MERTK: variants seen among roughly 807,000 people sequenced by gnomAD.
The protein encoded by MERTK is tyrosine-protein kinase Mer.
MERTK carries 69 observed loss-of-function variants against 99.3 expected under a neutral mutation model. The ratio of observed to expected loss-of-function variants is 0.70; its 90% CI spans 0.57 to 0.85. The LOEUF (loss-of-function observed/expected upper bound fraction) is 0.85. Ranked by LOEUF, MERTK falls within the 40% of genes least tolerant of loss-of-function variation. The pLI, the probability that MERTK is intolerant of heterozygous loss-of-function variation, is 0.00. For missense variants in MERTK, 1,125 were observed against 1,249.4 expected (o/e 0.90, Z 1.50); for synonymous variants, 426 against 467.6 (o/e 0.91, Z 1.15).
At position 111,968,175 on chromosome 2, in the gene MERTK, A is replaced by C. The variant is rs746561089; in HGVS notation, c.883A>C (p.Ser295Arg). The stretch of plus-strand genomic sequence containing the variant: ...ACCAACTGAAGTCAGCATCCGTAAC[A>C]GCACTGCACACAGCATTCTGATCTC... Reference protein sequence around the residue: ...SPPTEVSIRNSTAHSILISWV... With the variant: ...SPPTEVSIRNRTAHSILISWV... The change falls in exon 6 of 19, where the codon AGC (serine) becomes CGC (arginine). Residue 295 changes from serine (S) to arginine (R), a missense_variant. Ser to Arg is a moderately radical substitution (Grantham distance 110). Coordinates refer to ENST00000295408, the MANE Select transcript of MERTK (RefSeq NM_006343.3). 16 of 1,613,956 alleles carry C rather than the reference A, an allele frequency of 9.9e-6. No homozygotes were observed. Among genetic ancestry groups the C allele is most frequent in the Non-Finnish European group, 1.4e-5 (16 of 1,180,002 alleles).
At chr2:111,994,560 T>A in intron 9 of MERTK, 156 bp downstream of exon 9, 1 of 1,044,562 alleles carries the variant, frequency 9.6e-7, no homozygotes, top group Non-Finnish European at 1.5e-6. Flanking sequence ...AGGAGGAGTT[T>A]GAGAACAACC....
chr2:111,973,705 A>T (rs561084641), intron 6 of MERTK, among the ~76,000 whole-genome samples: 1 of 152,146 alleles, frequency 6.6e-6, no homozygotes, highest in Non-Finnish European at 1.5e-5. Flanking sequence ...TAAGTGCCAC[A>T]TATTACAGAA....
chr2:111,946,724 T>C (rs1684967661), intron 3 of MERTK, among the ~76,000 whole-genome samples: 1 of 152,208 alleles, frequency 6.6e-6, no homozygotes, highest in South Asian at 2.1e-4. Context: ...TCTGCGTTTA[T>C]TTTGGTAAGA....
intron 1 of MERTK, among the ~76,000 whole-genome samples, chr2:111,899,056 G>A (rs1261079589): frequency 6.6e-6 from 1 of 152,200 alleles, no homozygotes; most frequent in Non-Finnish European, 1.5e-5. Context: ...GGTCGGCGTT[G>A]CAGGCTCCCC....
At chr2:111,974,424 A>G (rs1223829036) in intron 6 of MERTK, among the ~76,000 whole-genome samples, 1 of 151,510 alleles carries the variant, frequency 6.6e-6, no homozygotes, top group African/African-American at 2.4e-5. Flanking sequence ...AAAATAAAAT[A>G]AAGTTAGCCT....
chr2:112,020,523 T>C (rs966275417), intron 16 of MERTK: 6 of 464,874 alleles, frequency 1.3e-5, no homozygotes, highest in Admixed American at 1.2e-4. Flanking sequence ...TCCTCTTCCT[T>C]CTTCTTGTGT....
chr2:111,903,683 T>G (rs965759202), intron 1 of MERTK, among the ~76,000 whole-genome samples: 12 of 152,212 alleles, frequency 7.9e-5, no homozygotes, highest in African/African-American at 2.4e-4. Context: ...AGGCACACTA[T>G]GCCTCTGGGG....
intron 15 of MERTK, among the ~76,000 whole-genome samples, chr2:112,011,951 TG>T (rs1677113767): frequency 6.6e-6 from 1 of 152,028 alleles, no homozygotes; most frequent in Non-Finnish European, 1.5e-5. Context: ...GAGGGAGCTA[TG>T]GGCACCAGGA....
At chr2:111,973,256 G>A (rs1676159717) in intron 6 of MERTK, among the ~76,000 whole-genome samples, 1 of 152,096 alleles carries the variant, frequency 6.6e-6, no homozygotes, top group Non-Finnish European at 1.5e-5. Flanking sequence ...GGGGAGGAGA[G>A]CCAAAGGTTT....
intron 13 of MERTK, among the ~76,000 whole-genome samples, chr2:112,007,490 C>T (rs746790321): frequency 1.3e-5 from 2 of 152,112 alleles, no homozygotes; most frequent in Non-Finnish European, 2.9e-5. Flanking sequence ...AACCTCTACA[C>T]CTACCGAACA....
chr2:111,903,822 G>A (rs1036125442), intron 1 of MERTK, among the ~76,000 whole-genome samples: 1 of 152,184 alleles, frequency 6.6e-6, no homozygotes. Flanking sequence ...AGGACGTAAT[G>A]AGCTAATGGC....
intron 15 of MERTK, among the ~76,000 whole-genome samples, chr2:112,012,954 T>A (rs1390339333): frequency 6.6e-6 from 1 of 152,178 alleles, no homozygotes; most frequent in Admixed American, 6.5e-5. Flanking sequence ...TGCTGGAGCC[T>A]CCTTTTCCAC....
Position 112,022,334 on chromosome 2 carries a change from T to C in MERTK, c.2426T>C (p.Met809Thr), listed in dbSNP as rs1677368929. The stretch of plus-strand genomic sequence containing the variant: ...TATCCTGGGGTCCAGAACCATGAGA[T>C]GTATGACTATCTTCTCCATGGCCAC... ...TPYPGVQNHEMYDYLLHGHRL... is the reference protein window; with the variant it reads ...TPYPGVQNHETYDYLLHGHRL... Residue 809 changes from methionine (M) to threonine (T), a missense_variant, in exon 18 of 19, where the codon ATG (methionine) becomes ACG (threonine). Coordinates refer to ENST00000295408, the MANE Select transcript of MERTK (RefSeq NM_006343.3). 6.2e-7 allele frequency: 1 copy of C among 1,614,170 alleles called. No homozygotes were observed. Among genetic ancestry groups the C allele is most frequent in the East Asian group, 2.2e-5 (1 of 44,878 alleles).
At chr2:112,000,346 A>G (rs766387088) in intron 10 of MERTK, among the ~76,000 whole-genome samples, 4 of 152,166 alleles carry the variant, frequency 2.6e-5, no homozygotes, top group Non-Finnish European at 4.4e-5. Flanking sequence ...TTTTCACCTA[A>G]TGTCCCTTTA....
At chr2:112,009,888 G>A in intron 14 of MERTK, 60 bp from the exon 15 acceptor site, 1 of 1,305,268 alleles carries the variant, frequency 7.7e-7, no homozygotes, top group Non-Finnish European at 1.1e-6. Context: ...GGTCCACGAG[G>A]GCTTTTCTGG....
chr2:111,975,413 T>C lies in MERTK; in HGVS notation c.1085T>C (p.Met362Thr). The C allele has an allele frequency of 6.2e-7, 1 of 1,614,230 alleles. No homozygotes were observed. The highest frequency in any genetic ancestry group is 1.3e-5 in the African/African-American group (1 of 75,060). Residue 362 changes from methionine (M) to threonine (T), a missense_variant, in exon 7 of 19, where the codon ATG becomes ACG. Transcript: ENST00000295408. The part of the protein sequence containing the change: ...LANYSIGVSC[M>T]NEIGWSAVSP... ...AATTACAGCATTGGTGTTTCCTGCA[T>C]GAATGAAATAGGCTGGTCTGCAGTG...
At chr2:111,910,978 G>A (rs1684236626) in intron 1 of MERTK, among the ~76,000 whole-genome samples, 1 of 152,102 alleles carries the variant, frequency 6.6e-6, no homozygotes, top group Non-Finnish European at 1.5e-5. Flanking sequence ...CCATAGATAT[G>A]TACAATTATG....
chr2:111,923,498 C>A (rs1684502914), intron 1 of MERTK, among the ~76,000 whole-genome samples: 1 of 152,198 alleles, frequency 6.6e-6, no homozygotes, highest in African/African-American at 2.4e-5. Context: ...TGGGCGGCTA[C>A]TCTGGGACCT....
chr2:111,992,275 C>T (rs533840374), intron 8 of MERTK, among the ~76,000 whole-genome samples: 12 of 152,214 alleles, frequency 7.9e-5, no homozygotes, highest in African/African-American at 9.6e-5. Flanking sequence ...TTGTCAATCA[C>T]GCCTATCCAA....
Sources: allele counts gnomAD v4.1 joint callset (sites outside exome capture counted in the v4.1 genomes callset), GRCh38; gene constraint gnomAD v4.1.1; transcripts MANE v1.5; gene names NCBI Gene and HGNC (gene_info 2026-07-23, HGNC 2026-07-21).